TJP2: variants seen among roughly 807,000 people sequenced by gnomAD.
TJP2 encodes the protein tight junction protein 2, also known as Friedreich ataxia region gene X104 (tight junction protein ZO-2).
In TJP2, 91 loss-of-function variants were observed where a neutral mutation model predicts 133.1. The observed-to-expected ratio is 0.68, with a 90% CI of 0.58 to 0.81. The LOEUF (loss-of-function observed/expected upper bound fraction) is 0.81. Ranked by LOEUF, TJP2 falls within the 40% of genes least tolerant of loss-of-function variation. The pLI is 0.00. For synonymous variants in TJP2, 592 were observed against 583.4 expected (o/e 1.01, Z -0.21); for missense variants, 1,541 against 1,565.6 (o/e 0.98, Z 0.26).
rs1312263380 is a variant in TJP2 at position 69,230,226 on chromosome 9, T to C, written c.1665T>C (p.Ile555=). 2 of 1,614,060 alleles carry C rather than the reference T, an allele frequency of 1.2e-6. No individual in the cohort carries two copies. The highest frequency in any genetic ancestry group is 1.7e-5 in the Admixed American group (1 of 60,002). Residue 555 remains isoleucine (I), a synonymous_variant, in exon 11 of 23, where the codon ATT becomes ATC. Coordinates refer to ENST00000377245, the MANE Select transcript of TJP2 (RefSeq NM_004817.4). ...AGGGCCTTCAAGAAGGAGACCAGATTCTGAAGGTAAGAACAGCCCAGCTCT... is the reference window on the plus strand; with the variant it reads ...AGGGCCTTCAAGAAGGAGACCAGATCCTGAAGGTAAGAACAGCCCAGCTCT... The part of the protein sequence containing the change: ...EQEGLQEGDQ[I]LKVNTQDFRG...
upstream of TJP2, among the ~76,000 whole-genome samples, chr9:69,170,288 A>G (rs900863085): frequency 1.3e-5 from 2 of 152,200 alleles, no homozygotes; most frequent in Non-Finnish European, 2.9e-5. Flanking sequence ...ATTTTTTTGC[A>G]TACTTTCCAG....
rs149083701 is a variant in TJP2, at chr9:69,249,257, G to A, written c.2881-118G>A. ...TCTGCCTGTTCAGTAAAGAAGCACCGGCTCAGAACCTCAACTTCTGGACTT... is the reference window on the plus strand; with the variant it reads ...TCTGCCTGTTCAGTAAAGAAGCACCAGCTCAGAACCTCAACTTCTGGACTT... On this transcript the variant is annotated intron_variant, in intron 19 of 22. Transcript: ENST00000377245. The A allele has an allele frequency of 2.0e-4, 303 of 1,521,670 alleles. No homozygotes were observed. The African/African-American group carries it at 3.5e-3, about 18-fold the overall frequency. 94.3% of individuals were successfully genotyped at this position (1,521,670 alleles called of 1,614,324 possible).
Position 69,174,347 on chromosome 9 carries a change from G to A in TJP2, c.-26G>A, listed in dbSNP as rs147729271. On this transcript the variant is annotated 5_prime_UTR_variant, in exon 1 of 23. Coordinates refer to ENST00000377245, the MANE Select transcript of TJP2 (RefSeq NM_004817.4). The stretch of plus-strand genomic sequence containing the variant: ...AAGCAGAAGCGGGGTCCGGAGCTGC[G>A]CGCCTACGCGGGACCTGTGTCCGAA... 5.8e-3 allele frequency: 9,068 copies of A among 1,551,296 alleles called. 38 individuals are homozygous for A. Among genetic ancestry groups the A allele is most frequent in the Non-Finnish European group, 6.6e-3 (7,526 of 1,146,904 alleles).
chr9:69,247,271 G>A (rs772948592), intron 18 of TJP2, among the ~76,000 whole-genome samples: 1 of 152,212 alleles, frequency 6.6e-6, no homozygotes, highest in Non-Finnish European at 1.5e-5. Flanking sequence ...AGAACGTTAG[G>A]GAATTTGTCT....
chr9:69,223,529 G>C lies in TJP2; in HGVS notation c.953-1775G>C, dbSNP rs59735501. Reference sequence around the variant, plus strand: ...TCACCGTGTTAGCCAGGATGGTCTCGATCTCCTGACCTCATGATCCGCCCA... The same window carrying C: ...TCACCGTGTTAGCCAGGATGGTCTCCATCTCCTGACCTCATGATCCGCCCA... On this transcript the variant is annotated intron_variant, in intron 5 of 22. Coordinates refer to ENST00000377245, the MANE Select transcript of TJP2 (RefSeq NM_004817.4). Among the ~76,000 whole-genome samples, 611 of 152,270 alleles carry C rather than the reference G, an allele frequency of 4.0e-3. 6 individuals carry two copies. Among genetic ancestry groups the C allele is most frequent in the African/African-American group, 0.013 (556 of 41,548 alleles).
At chr9:69,171,500 C>T (rs1169519654), upstream of TJP2, among the ~76,000 whole-genome samples, 1 of 152,180 alleles carries the variant, frequency 6.6e-6, no homozygotes, top group East Asian at 1.9e-4. Context: ...CCTTACTTCT[C>T]TCTGTGTTAT....
intron 1 of TJP2, among the ~76,000 whole-genome samples, chr9:69,143,498 A>G (rs1315258131): frequency 6.6e-6 from 1 of 151,738 alleles, no homozygotes; most frequent in Non-Finnish European, 1.5e-5. Flanking sequence ...ACCTTTACTC[A>G]GAGGTGGCAG....
At chr9:69,141,623 A>T (rs898251223) in intron 1 of TJP2, among the ~76,000 whole-genome samples, 5 of 151,974 alleles carry the variant, frequency 3.3e-5, no homozygotes, top group Non-Finnish European at 7.4e-5. Context: ...ACAGAGTCTC[A>T]CTCTGTCACT....
At chr9:69,191,106 A>G (rs1041943705) in intron 1 of TJP2, among the ~76,000 whole-genome samples, 2 of 147,326 alleles carry the variant, frequency 1.4e-5, no homozygotes, top group African/African-American at 2.5e-5. Context: ...AAAAGCAAAA[A>G]GGAAAAAGGG....
intron 17 of TJP2, among the ~76,000 whole-genome samples, chr9:69,243,781 T>G (rs1450554118): frequency 6.6e-6 from 1 of 152,208 alleles, no homozygotes; most frequent in Non-Finnish European, 1.5e-5. Context: ...TGGATACCTT[T>G]GCTGTTGCAT....
At chr9:69,164,547 CGTT>C (rs1185721973) in intron 2 of TJP2, among the ~76,000 whole-genome samples, 1 of 152,148 alleles carries the variant, frequency 6.6e-6, no homozygotes, top group Non-Finnish European at 1.5e-5. Context: ...AGGATTCTCT[CGTT>C]GGAGTCAAAT....
chr9:69,188,758 A>G (rs1347805181), intron 1 of TJP2, among the ~76,000 whole-genome samples: 3 of 152,206 alleles, frequency 2.0e-5, no homozygotes, highest in Non-Finnish European at 4.4e-5. Context: ...CCACAACTTT[A>G]TTATAGAAAT....
At chr9:69,126,341 A>C (rs1822295193) in intron 1 of TJP2, among the ~76,000 whole-genome samples, 1 of 77,220 alleles carries the variant, frequency 1.3e-5, no homozygotes, top group Non-Finnish European at 3.0e-5. Flanking sequence ...GATGAGTTAG[A>C]TTATACTTGA....
chr9:69,209,787 G>A (rs1237205488), intron 1 of TJP2, among the ~76,000 whole-genome samples: 2 of 151,732 alleles, frequency 1.3e-5, no homozygotes, highest in Non-Finnish European at 2.9e-5. Flanking sequence ...TAACAAATAT[G>A]TACAACTTCA....
chr9:69,127,171 G>C (rs1822312647), intron 1 of TJP2, among the ~76,000 whole-genome samples: 1 of 72,870 alleles, frequency 1.4e-5, no homozygotes, highest in African/African-American at 4.2e-5. Flanking sequence ...CCGGGTTCAC[G>C]CCATTCTCCT....
chr9:69,248,884 T>C (rs762200635), intron 19 of TJP2: 59 of 992,704 alleles, frequency 5.9e-5, no homozygotes, highest in South Asian at 9.0e-5. Context: ...ATTGTTCATA[T>C]ATTTGGATAA....
chr9:69,122,635 C>T (rs1474062319), intron 1 of TJP2, among the ~76,000 whole-genome samples: 1 of 152,176 alleles, frequency 6.6e-6, no homozygotes, highest in Non-Finnish European at 1.5e-5. Flanking sequence ...TGGAAAAAGG[C>T]CACTGAATTC....
Position 69,229,203 on chromosome 9 carries a change from C to A in TJP2, c.1473C>A (p.Ala491=), listed in dbSNP as rs138509345. The A allele has an allele frequency of 2.7e-5, 44 of 1,613,968 alleles. No homozygotes were observed. The African/African-American group carries it at 4.7e-4, about 17-fold the overall frequency. Residue 491 remains alanine, a synonymous_variant, in exon 10 of 23, where the codon GCC becomes GCA. Coordinates refer to ENST00000377245, the MANE Select transcript of TJP2 (RefSeq NM_004817.4). ...EDPPAPQPKA[A]PRTFLRPSPE... Reference sequence around the variant, plus strand: ...CTACAGCTCCTCAACCAAAAGCAGCCCCGAGAACTTTTCTTCGTCCTAGTC... The same window carrying A: ...CTACAGCTCCTCAACCAAAAGCAGCACCGAGAACTTTTCTTCGTCCTAGTC...
intron 1 of TJP2, among the ~76,000 whole-genome samples, chr9:69,202,109 T>A (rs917682336): frequency 6.6e-6 from 1 of 152,112 alleles, no homozygotes; most frequent in African/African-American, 2.4e-5. Context: ...AAACAGAAAT[T>A]TATTTGCCCA....
Sources: gnomAD v4.1 joint callset for allele counts (sites outside exome capture counted in the v4.1 genomes callset) on GRCh38, gnomAD v4.1.1 for gene constraint, MANE v1.5 for transcripts, NCBI Gene and HGNC (gene_info 2026-07-23, HGNC 2026-07-21) for gene names.